The following AUTS2 variants were observed in gnomAD, a reference collection of about 807,000 sequenced individuals.
AUTS2 encodes the protein autism susceptibility gene 2 protein.
In AUTS2, 17 loss-of-function variants were observed where a neutral mutation model predicts 112.4. That is an observed-to-expected ratio of 0.15 (90% CI 0.10 to 0.23). The LOEUF (loss-of-function observed/expected upper bound fraction) is 0.23. AUTS2 is among the 10% of genes least tolerant of loss of function. The probability of loss-of-function intolerance (pLI) is 1.00; values close to 1 mark genes in which losing one functional copy is unlikely to be tolerated. For missense variants in AUTS2, 1,510 were observed against 1,701.6 expected (o/e 0.89, Z 1.98); for synonymous variants, 751 against 702.7 (o/e 1.07, Z -1.09).
chr7:70,516,979 A>G (rs1799442263), intron 5 of AUTS2, among the ~76,000 whole-genome samples: 1 of 152,162 alleles, frequency 6.6e-6, no homozygotes, highest in African/African-American at 2.4e-5. Flanking sequence ...GCTATAAGGA[A>G]TATTAGAGAT....
intron 1 of AUTS2, among the ~76,000 whole-genome samples, chr7:69,686,114 T>A (rs978263902): frequency 6.6e-6 from 1 of 152,154 alleles, no homozygotes; most frequent in African/African-American, 2.4e-5. Flanking sequence ...ATACCAAAGA[T>A]AAATTTTATG....
chr7:70,787,548 C>G, intron 18 of AUTS2, 117 bp downstream of exon 18: 1 of 688,502 alleles, frequency 1.5e-6, no homozygotes, highest in Non-Finnish European at 2.5e-6. Context: ...GCCCCGGTAG[C>G]CTCAGCTCCT....
intron 5 of AUTS2, among the ~76,000 whole-genome samples, chr7:70,665,742 G>A (rs1428804442): frequency 6.6e-6 from 1 of 152,080 alleles, no homozygotes; most frequent in Non-Finnish European, 1.5e-5. Context: ...TCAAAAATAT[G>A]GTATTCACAG....
chr7:69,956,413 A>G (rs1201667266), intron 2 of AUTS2, among the ~76,000 whole-genome samples: 3 of 152,122 alleles, frequency 2.0e-5, no homozygotes, highest in African/African-American at 7.2e-5. Context: ...TCTGTTTTAC[A>G]CTGTTAATAC....
At chr7:69,753,454 G>A (rs368656763) in intron 1 of AUTS2, among the ~76,000 whole-genome samples, 1 of 152,100 alleles carries the variant, frequency 6.6e-6, no homozygotes, top group South Asian at 2.1e-4. Flanking sequence ...TTCCCCAGTG[G>A]CTCACAAGCC....
chr7:69,740,906 C>T (rs2129246080), intron 1 of AUTS2, among the ~76,000 whole-genome samples: 1 of 152,150 alleles, frequency 6.6e-6, no homozygotes, highest in African/African-American at 2.4e-5. Flanking sequence ...GAGCTTTTGC[C>T]CAGGGATTGT....
intron 1 of AUTS2, among the ~76,000 whole-genome samples, chr7:69,880,118 G>C (rs958776273): frequency 1.3e-5 from 2 of 152,176 alleles, no homozygotes; most frequent in Non-Finnish European, 2.9e-5. Context: ...ATTCATGGTG[G>C]AAGGTGAAGG....
intron 6 of AUTS2, among the ~76,000 whole-genome samples, chr7:70,721,795 A>G (rs1454690085): frequency 6.6e-6 from 1 of 152,196 alleles, no homozygotes; most frequent in Non-Finnish European, 1.5e-5. Flanking sequence ...CCCTTCACCT[A>G]GATCCACTGT....
chr7:69,662,124 C>G (rs1795827869), intron 1 of AUTS2, among the ~76,000 whole-genome samples: 1 of 152,020 alleles, frequency 6.6e-6, no homozygotes, highest in Admixed American at 6.6e-5. Flanking sequence ...TCCCTTTCTC[C>G]CACTCTCCAT....
chr7:70,301,452 T>A (rs1056230597), intron 4 of AUTS2, among the ~76,000 whole-genome samples: 1 of 152,152 alleles, frequency 6.6e-6, no homozygotes, highest in African/African-American at 2.4e-5. Flanking sequence ...GTTTAGGAGT[T>A]TTTTGGCTTA....
At chr7:70,320,796 T>C (rs1359840551) in intron 4 of AUTS2, among the ~76,000 whole-genome samples, 1 of 152,184 alleles carries the variant, frequency 6.6e-6, no homozygotes, top group Admixed American at 6.5e-5. Context: ...AGGGCAGTTT[T>C]GAAGTCTCAT....
chr7:69,725,510 G>A (rs963894232), intron 1 of AUTS2, among the ~76,000 whole-genome samples: 1 of 152,042 alleles, frequency 6.6e-6, no homozygotes, highest in African/African-American at 2.4e-5. Context: ...ACAGGAAGGA[G>A]TATGCAAAAA....
intron 1 of AUTS2, among the ~76,000 whole-genome samples, chr7:69,774,570 A>G (rs1788813941): frequency 6.6e-6 from 1 of 152,254 alleles, no homozygotes; most frequent in Non-Finnish European, 1.5e-5. Flanking sequence ...AAATGCTTCA[A>G]TAAGCAAGTA....
chr7:70,354,348 T>C (rs1223817935), intron 4 of AUTS2, among the ~76,000 whole-genome samples: 2 of 152,232 alleles, frequency 1.3e-5, no homozygotes, highest in Non-Finnish European at 2.9e-5. Context: ...TCGTAAAACA[T>C]GTCTTGGTAG....
chr7:70,581,246 C>T (rs1454705136), intron 5 of AUTS2, among the ~76,000 whole-genome samples: 2 of 152,018 alleles, frequency 1.3e-5, no homozygotes, highest in African/African-American at 4.8e-5. Context: ...ATTTGCCGGG[C>T]ATGGTGGCTC....
chr7:70,379,561 G>C (rs1328488730), intron 4 of AUTS2, among the ~76,000 whole-genome samples: 2 of 151,986 alleles, frequency 1.3e-5, no homozygotes, highest in African/African-American at 2.4e-5. Flanking sequence ...TCATTTCAGA[G>C]GACAGAATTG....
rs921634472 is a variant in AUTS2, at chr7:69,801,544, A to G, written c.310-97742A>G. Among the ~76,000 whole-genome samples, 9 of 151,220 alleles carry G rather than the reference A, an allele frequency of 6.0e-5. 1 individual carries two copies. The highest frequency in any genetic ancestry group is 2.2e-4 in the African/African-American group (9 of 41,236). The stretch of plus-strand genomic sequence containing the variant: ...ATATATAGGTATATATATGTGGTGT[A>G]TATATACATAAATATGTTTGTGTAT... On this transcript the variant is annotated intron_variant, in intron 1 of 18. Transcript: ENST00000342771.
chr7:70,324,505 G>A (rs989601256), intron 4 of AUTS2, among the ~76,000 whole-genome samples: 1 of 151,936 alleles, frequency 6.6e-6, no homozygotes, highest in Non-Finnish European at 1.5e-5. Context: ...TGCATCTGTG[G>A]TCCCAACCAC....
chr7:69,834,980 C>CT (rs1432009129), intron 1 of AUTS2, among the ~76,000 whole-genome samples: 4 of 151,926 alleles, frequency 2.6e-5, no homozygotes, highest in African/African-American at 7.3e-5. Flanking sequence ...CTCCATGCAT[C>CT]TGCCGCCTGT....
Sources: gnomAD v4.1 joint callset for allele counts (sites outside exome capture counted in the v4.1 genomes callset) on GRCh38, gnomAD v4.1.1 for gene constraint, MANE v1.5 for transcripts, NCBI Gene and HGNC (gene_info 2026-07-23, HGNC 2026-07-21) for gene names.